TMEM232: variants seen among roughly 807,000 people sequenced by gnomAD.
TMEM232 encodes transmembrane protein 232.
TMEM232 carries 80 observed loss-of-function variants against 78.8 expected under a neutral mutation model. The observed-to-expected ratio is 1.01, with a 90% confidence interval of 0.85 to 1.22. The LOEUF (loss-of-function observed/expected upper bound fraction) is 1.22, where lower values mean the gene tolerates loss of function less well. Ranked by LOEUF, TMEM232 falls within the 50% of genes most tolerant of loss-of-function variation. The probability of loss-of-function intolerance (pLI) is 0.00; values close to 1 mark genes in which losing one functional copy is unlikely to be tolerated. For synonymous variants in TMEM232, 297 were observed against 254.3 expected, an observed-to-expected ratio of 1.17 and a Z score of -1.60; for missense variants, 881 against 742.2, an observed-to-expected ratio of 1.19 and a Z score of -2.17.
intron 7 of TMEM232, among the ~76,000 whole-genome samples, chr5:110,619,183 C>A (rs1480442255): frequency 6.6e-6 from 1 of 152,066 alleles, no homozygotes; most frequent in Non-Finnish European, 1.5e-5. Context: ...AGTGAAGATT[C>A]AAATACACAT....
At chr5:110,580,560 G>A (rs1778083131) in intron 10 of TMEM232, among the ~76,000 whole-genome samples, 2 of 150,360 alleles carry the variant, frequency 1.3e-5, no homozygotes, top group Non-Finnish European at 3.0e-5. Context: ...TATATATGAG[G>A]CAAACATTGA....
intron 12 of TMEM232, among the ~76,000 whole-genome samples, chr5:110,466,120 G>A (rs969451390): frequency 3.3e-5 from 5 of 152,106 alleles, no homozygotes; most frequent in African/African-American, 1.2e-4. Context: ...TGGAGAGATT[G>A]GATTGTTTGA....
rs571404693 is a variant in TMEM232 at position 110,722,830 on chromosome 5, T to C, written c.-13+3797A>G. ...ATGCTTGTTTGTGTATCTGTCTGTA[T>C]GTTAGTGGAAGTGAACAAATCCAGG... On this transcript the variant is annotated intron_variant, in intron 1 of 13. Transcript: ENST00000455884. Among the ~76,000 whole-genome samples, 20 of 152,312 alleles carry C rather than the reference T, an allele frequency of 1.3e-4. 1 individual carries two copies. In the South Asian group the frequency reaches 4.1e-3, roughly 32 times the overall value.
upstream of TMEM232, chr5:110,738,934 T>TCCTAGC: frequency 1.4e-6 from 2 of 1,423,686 alleles, no homozygotes; most frequent in Non-Finnish European, 1.8e-6. Flanking sequence ...CCGTGCCCTT[T>TCCTAGC]AATGGTTGCC....
At chr5:110,714,254 A>C (rs1364816047) in intron 1 of TMEM232, among the ~76,000 whole-genome samples, 1 of 152,192 alleles carries the variant, frequency 6.6e-6, no homozygotes, top group Non-Finnish European at 1.5e-5. Context: ...CATCAGATAA[A>C]ACAGGATATA....
chr5:110,516,293 G>A (rs1561606233), intron 12 of TMEM232, among the ~76,000 whole-genome samples: 1 of 152,134 alleles, frequency 6.6e-6, no homozygotes, highest in African/African-American at 2.4e-5. Context: ...ATAAAGTTTT[G>A]TTAATGTTCT....
intron 12 of TMEM232, among the ~76,000 whole-genome samples, chr5:110,438,972 A>G (rs541301995): frequency 1.3e-5 from 2 of 152,160 alleles, no homozygotes; most frequent in Non-Finnish European, 2.9e-5. Context: ...AGGTTAAAAA[A>G]TAGATAATTT....
chr5:110,456,524 A>G (rs138514607), intron 12 of TMEM232, among the ~76,000 whole-genome samples: 119 of 152,270 alleles, frequency 7.8e-4, no homozygotes, highest in Non-Finnish European at 1.4e-3. Context: ...AGGATTTTAT[A>G]TAGTAATAGA....
Position 110,597,886 on chromosome 5 carries a change from T to C in TMEM232, c.1276+7223A>G, listed in dbSNP as rs903841522. Among the ~76,000 whole-genome samples, 328 of 152,274 alleles carry C rather than the reference T, an allele frequency of 2.2e-3. 2 individuals are homozygous for C. Among genetic ancestry groups the C allele is most frequent in the African/African-American group, 7.5e-3 (312 of 41,544 alleles). On this transcript the variant is annotated intron_variant, in intron 10 of 13. Coordinates refer to ENST00000455884, the MANE Select transcript of TMEM232 (RefSeq NM_001039763.4). ...ATTCAAGATGGATTAAAGAGTTAAA[T>C]GTTAGACCTAAAACCATAAAAACCC...
chr5:110,398,246 T>C (rs1414683438), intron 2 of TMEM232, among the ~76,000 whole-genome samples: 4 of 152,124 alleles, frequency 2.6e-5, no homozygotes, highest in African/African-American at 2.4e-5. Context: ...AATCTTATAC[T>C]GATGGGAAAA....
chr5:110,388,562 C>G (rs755068134), intron 4 of TMEM232, among the ~76,000 whole-genome samples: 10 of 152,126 alleles, frequency 6.6e-5, no homozygotes, highest in Non-Finnish European at 1.5e-4. Flanking sequence ...TAAGTAATTT[C>G]TTTTTTAACT....
chr5:110,537,157 C>T (rs978769675), intron 11 of TMEM232, among the ~76,000 whole-genome samples: 1 of 152,130 alleles, frequency 6.6e-6, no homozygotes, highest in African/African-American at 2.4e-5. Flanking sequence ...ATGGGCAACT[C>T]TTCATCTATT....
intron 4 of TMEM232, among the ~76,000 whole-genome samples, chr5:110,639,764 T>C (rs188442712): frequency 1.6e-3 from 248 of 152,344 alleles, no homozygotes; most frequent in Admixed American, 3.1e-3. Context: ...CCAACCTTTT[T>C]GGCACCAGGG....
intron 12 of TMEM232, among the ~76,000 whole-genome samples, chr5:110,450,710 A>T (rs1286701183): frequency 6.6e-6 from 1 of 152,146 alleles, no homozygotes; most frequent in Non-Finnish European, 1.5e-5. Flanking sequence ...GCACTCCTGG[A>T]TGTACCCACC....
intron 13 of TMEM232, among the ~76,000 whole-genome samples, chr5:110,422,457 T>G (rs1338094052): frequency 1.4e-5 from 2 of 140,882 alleles, no homozygotes; most frequent in African/African-American, 2.8e-5. Flanking sequence ...GAGGCAGAGC[T>G]TGCAGTGAGC....
chr5:110,618,679 C>T, intron 7 of TMEM232, 117 bp from the exon 8 acceptor site: 1 of 1,077,430 alleles, frequency 9.3e-7, no homozygotes, highest in South Asian at 1.8e-5. Context: ...TGCATATTCT[C>T]TTACACTTTA....
intron 11 of TMEM232, among the ~76,000 whole-genome samples, chr5:110,566,603 T>C (rs1776370041): frequency 1.3e-5 from 2 of 151,902 alleles, no homozygotes; most frequent in Admixed American, 6.6e-5. Context: ...CCCAACAAGT[T>C]CCTCATCTTC....
At chr5:110,428,459 T>C (rs1757481293) in intron 12 of TMEM232, among the ~76,000 whole-genome samples, 1 of 151,740 alleles carries the variant, frequency 6.6e-6, no homozygotes, top group African/African-American at 2.4e-5. Context: ...AGCCATCTCT[T>C]TGAAAGATAT....
intron 12 of TMEM232, among the ~76,000 whole-genome samples, chr5:110,521,958 A>G (rs1004042002): frequency 3.9e-5 from 6 of 152,180 alleles, no homozygotes; most frequent in African/African-American, 1.2e-4. Flanking sequence ...TTGTGTTCCC[A>G]TATGAATTTC....
Sources: gnomAD v4.1 joint callset for allele counts (sites outside exome capture counted in the v4.1 genomes callset) on GRCh38, gnomAD v4.1.1 for gene constraint, MANE v1.5 for transcripts, NCBI Gene and HGNC (gene_info 2026-07-23, HGNC 2026-07-21) for gene names.